Variants in ATP6V1E2 observed in about 807,000 individuals in gnomAD.
ATP6V1E2 encodes V-type proton ATPase subunit E 2.
For missense variants in ATP6V1E2, 308 were observed against 273.3 expected (o/e 1.13, Z -0.90); for synonymous variants, 121 against 104.2 (o/e 1.16, Z -0.98).
At chr2:46,539,456 G>A (rs1667609245) in intron 2 of ATP6V1E2, among the ~76,000 whole-genome samples, 1 of 152,248 alleles carries the variant, frequency 6.6e-6, no homozygotes, top group South Asian at 2.1e-4. Context: ...TTCTTGCAAT[G>A]AACGCAGCCT....
In ATP6V1E2 at chr2:46,528,755, C is replaced by A. The variant is rs192586089; in HGVS notation, c.-102+7058G>T. Among the ~76,000 whole-genome samples the A allele has an allele frequency of 4.6e-5, 7 of 152,356 alleles. No homozygotes were observed. In the East Asian group the frequency reaches 1.3e-3, roughly 29 times the overall value. On this transcript the variant is annotated intron_variant, in intron 4 of 4. Transcript: ENST00000522587. Reference sequence around the variant, plus strand: ...ATCTGCCTCAATTCACCTAGAGACACAAAACTACTTCTGTAAAACCAGGAT... The same window carrying A: ...ATCTGCCTCAATTCACCTAGAGACAAAAAACTACTTCTGTAAAACCAGGAT...
At position 46,536,638 on chromosome 2, in the gene ATP6V1E2, G is replaced by C. The variant is rs1308762259; in HGVS notation, c.-244C>G. ...GTGACTTCTAAGAAGATGGTTCACA[G>C]AGGGAGAAGAATACAGGCCAAAATT... is the stretch of plus-strand genomic sequence containing the variant. On this transcript the variant is annotated 5_prime_UTR_variant, in exon 3 of 5. Transcript: ENST00000522587. 6.6e-6 allele frequency: 1 copy of C among 152,284 alleles called. No individual in the cohort carries two copies. Among genetic ancestry groups the C allele is most frequent in the Non-Finnish European group, 1.5e-5 (1 of 68,074 alleles). The allele number at this position is 152,284 out of a possible 1,614,324, so 9.4% of individuals were successfully genotyped here. A position where few individuals can be genotyped will look rare whatever the true frequency, so the allele number is the denominator to read the frequency against.
rs1038979826 is a variant in ATP6V1E2 at position 46,512,467 on chromosome 2, T to G, written c.245A>C (p.Lys82Thr). ...GAGGTCATTTCGGGCTCTCAGGACT[T>G]TCAGCCTCGCCTGATTCCTCATGGT... ...MSTMRNQARL[K>T]VLRARNDLIS... is the part of the protein sequence containing the mutation. Residue 82 changes from lysine to threonine, a missense_variant, in exon 5 of 5, where the codon AAA (lysine) becomes ACA (threonine). Transcript: ENST00000522587. 5 of 1,614,168 alleles carry G rather than the reference T, an allele frequency of 3.1e-6. No homozygotes were observed. Among genetic ancestry groups the G allele is most frequent in the Non-Finnish European group, 4.2e-6 (5 of 1,180,024 alleles).
chr2:46,534,156 C>T (rs1442341698), intron 4 of ATP6V1E2: 3 of 152,226 alleles, frequency 2.0e-5, no homozygotes, highest in South Asian at 2.1e-4. Flanking sequence ...CAAATCATCA[C>T]CGTTAATCCT....
chr2:46,526,270 C>T (rs1476491651), intron 4 of ATP6V1E2, among the ~76,000 whole-genome samples: 1 of 152,070 alleles, frequency 6.6e-6, no homozygotes, highest in African/African-American at 2.4e-5. Flanking sequence ...CGTGCATCAC[C>T]ATGCCTGGCT....
intron 4 of ATP6V1E2, among the ~76,000 whole-genome samples, chr2:46,518,784 G>C (rs1465246101): frequency 2.5e-5 from 1 of 40,352 alleles, no homozygotes; most frequent in South Asian, 1.3e-3. Flanking sequence ...GTGTGTGTGT[G>C]TGTGTGTGTG....
At chr2:46,524,436 G>T (rs1392503246) in intron 4 of ATP6V1E2, among the ~76,000 whole-genome samples, 2 of 152,192 alleles carry the variant, frequency 1.3e-5, no homozygotes, top group African/African-American at 2.4e-5. Context: ...TAGAAAGTTG[G>T]TAGTATTTAT....
rs530205239 is a variant in ATP6V1E2 at position 46,530,467 on chromosome 2, G to C, written c.-102+5346C>G. 6.6e-6 allele frequency among the ~76,000 whole-genome samples: 1 copy of C among 152,186 alleles called. No homozygotes were observed. Among genetic ancestry groups the C allele is most frequent in the Admixed American group, 6.5e-5 (1 of 15,288 alleles). On this transcript the variant is annotated intron_variant, in intron 4 of 4. Coordinates refer to ENST00000522587, the MANE Select transcript of ATP6V1E2 (RefSeq NM_001318063.2). The surrounding 1 kb of genome is among the most constrained non-coding windows in gnomAD (Gnocchi z 5.2). ...TGTCATTTAGGTCTTCAAACACAAAGGTTCTCATTATTACCCGCTTTCCCT... is the reference window on the plus strand; with the variant it reads ...TGTCATTTAGGTCTTCAAACACAAACGTTCTCATTATTACCCGCTTTCCCT...
At position 46,526,046 on chromosome 2, in the gene ATP6V1E2, TTTTG is replaced by T. The variant is rs1666903532; in HGVS notation, c.-102+9763_-102+9766del. The stretch of plus-strand genomic sequence containing the variant: ...AATCCTGTTTTAAAAGTGAAACCTT[TTTTG>T]TTTTATTGTAGTAAAATGTACATAA... On this transcript the variant is annotated intron_variant, in intron 4 of 4. Coordinates refer to ENST00000522587, the MANE Select transcript of ATP6V1E2 (RefSeq NM_001318063.2). Among the ~76,000 whole-genome samples the T allele has an allele frequency of 2.0e-5, 3 of 152,316 alleles. No individual in the cohort carries two copies. In the South Asian group the frequency reaches 6.2e-4, roughly 32 times the overall value.
chr2:46,534,494 T>A (rs940599957), intron 4 of ATP6V1E2: 1 of 152,236 alleles, frequency 6.6e-6, no homozygotes, highest in Admixed American at 6.5e-5. Context: ...CGTTATTATC[T>A]CTGTCATTTT....
intron 4 of ATP6V1E2, among the ~76,000 whole-genome samples, chr2:46,531,047 A>T (rs1307044282): frequency 3.3e-5 from 5 of 152,174 alleles, no homozygotes; most frequent in Non-Finnish European, 7.3e-5. Flanking sequence ...AATTGAGGTG[A>T]ATTTAAAGTA....
chr2:46,517,446 G>C (rs765162031), intron 4 of ATP6V1E2, among the ~76,000 whole-genome samples: 4 of 151,900 alleles, frequency 2.6e-5, no homozygotes, highest in Admixed American at 6.6e-5. Context: ...GGATATGACA[G>C]AGAAAGCACA....
chr2:46,540,321 T>C (rs1667665205), intron 2 of ATP6V1E2, among the ~76,000 whole-genome samples: 1 of 151,530 alleles, frequency 6.6e-6, no homozygotes, highest in Non-Finnish European at 1.5e-5. Flanking sequence ...ACTTGGAGGC[T>C]GAGGCTGGAG....
In ATP6V1E2 at chr2:46,524,199, C is replaced by T. The variant is rs916686907; in HGVS notation, c.-101-11387G>A. Among the ~76,000 whole-genome samples, 12 of 152,130 alleles carry T rather than the reference C, an allele frequency of 7.9e-5. No homozygotes were observed. The East Asian group carries it at 2.3e-3, about 29-fold the overall frequency. ...AAACAGCAACTTGACTTCCTCTCTT[C>T]CTATTTGAATACACTTTATAATGTA... On this transcript the variant is annotated intron_variant, in intron 4 of 4. Coordinates refer to ENST00000522587, the MANE Select transcript of ATP6V1E2 (RefSeq NM_001318063.2).
chr2:46,524,843 C>A (rs1203177275), intron 4 of ATP6V1E2, among the ~76,000 whole-genome samples: 1 of 152,074 alleles, frequency 6.6e-6, no homozygotes, highest in East Asian at 1.9e-4. Context: ...AGGACAATGT[C>A]TAGAAAGACA....
chr2:46,540,613 CTTTTT>C (rs59810518), intron 2 of ATP6V1E2, among the ~76,000 whole-genome samples: 13 of 115,666 alleles, frequency 1.1e-4, no homozygotes, highest in Admixed American at 9.1e-4. Flanking sequence ...TTTTCTGTAA[CTTTTT>C]TTTTTTTTTT....
chr2:46,527,322 C>T (rs569758740), intron 4 of ATP6V1E2, among the ~76,000 whole-genome samples: 150 of 152,212 alleles, frequency 9.9e-4, no homozygotes, highest in African/African-American at 3.2e-3. Context: ...ACCGGGTTCA[C>T]GCCATTCTCC....
At chr2:46,518,056 T>C (rs1666373406) in intron 4 of ATP6V1E2, among the ~76,000 whole-genome samples, 1 of 152,144 alleles carries the variant, frequency 6.6e-6, no homozygotes, top group Non-Finnish European at 1.5e-5. Flanking sequence ...ACACCAATGT[T>C]CAGGGAAGCA....
chr2:46,541,024 G>T (rs1401766826), intron 2 of ATP6V1E2, among the ~76,000 whole-genome samples: 1 of 152,194 alleles, frequency 6.6e-6, no homozygotes, highest in Non-Finnish European at 1.5e-5. Context: ...GCTAACCAGG[G>T]TCAGAGCTAG....
Sources: gnomAD v4.1 joint callset for allele counts (sites outside exome capture counted in the v4.1 genomes callset) on GRCh38, gnomAD v4.1.1 for gene constraint, Gnocchi (gnomAD v3.1) non-coding constraint, MANE v1.5 for transcripts, NCBI Gene and HGNC (gene_info 2026-07-23, HGNC 2026-07-21) for gene names.